The following SNTG2 variants were observed in gnomAD, a reference collection of about 807,000 sequenced individuals.
SNTG2 encodes the protein gamma-2-syntrophin.
SNTG2 carries 74 observed loss-of-function variants against 70.9 expected under a neutral mutation model. The observed-to-expected ratio is 1.04, with a 90% CI of 0.86 to 1.27. The LOEUF (loss-of-function observed/expected upper bound fraction) is 1.27, where lower values mean the gene tolerates loss of function less well. SNTG2 is among the 50% of genes most tolerant of loss of function. The pLI, the probability that SNTG2 is intolerant of heterozygous loss-of-function variation, is 0.00. For missense variants in SNTG2, 717 were observed against 690.7 expected, an observed-to-expected ratio of 1.04 and a Z score of -0.43; for synonymous variants, 278 against 273.8, an observed-to-expected ratio of 1.02 and a Z score of -0.15.
At chr2:1,157,125 C>T (rs1200200173) in intron 6 of SNTG2, among the ~76,000 whole-genome samples, 1 of 152,212 alleles carries the variant, frequency 6.6e-6, no homozygotes, top group African/African-American at 2.4e-5. Flanking sequence ...CAAAACTCGG[C>T]TTCTTCCTGA....
intron 16 of SNTG2, among the ~76,000 whole-genome samples, chr2:1,362,133 CT>C (rs1482082432): frequency 1.3e-5 from 2 of 152,076 alleles, no homozygotes; most frequent in Admixed American, 1.3e-4. Context: ...TTCAGTAGAA[CT>C]TCCACGAAGG....
At chr2:1,305,610 G>T (rs1261108951) in intron 14 of SNTG2, among the ~76,000 whole-genome samples, 1 of 152,192 alleles carries the variant, frequency 6.6e-6, no homozygotes, top group Non-Finnish European at 1.5e-5. Context: ...TGTGGGAGTT[G>T]TATGTACAGC....
intron 1 of SNTG2, among the ~76,000 whole-genome samples, chr2:1,080,668 A>C (rs938283389): frequency 6.6e-6 from 1 of 151,610 alleles, no homozygotes; most frequent in Non-Finnish European, 1.5e-5. Context: ...GTGTGCATGC[A>C]TCCCTGTATG....
intron 4 of SNTG2, among the ~76,000 whole-genome samples, chr2:1,126,402 T>C (rs1015381558): frequency 1.3e-5 from 2 of 152,250 alleles, no homozygotes; most frequent in African/African-American, 4.8e-5. Flanking sequence ...GACACTTAGC[T>C]TTGTTCCGTA....
intron 11 of SNTG2, 34 bp downstream of exon 11, chr2:1,239,810 A>G (rs375098711): frequency 2.0e-4 from 328 of 1,606,252 alleles, no homozygotes; most frequent in Non-Finnish European, 2.6e-4. Context: ...ATGATGTAAC[A>G]CATCAGGTAG....
intron 16 of SNTG2, among the ~76,000 whole-genome samples, chr2:1,341,988 G>T (rs1660122701): frequency 6.6e-6 from 1 of 152,062 alleles, no homozygotes; most frequent in Non-Finnish European, 1.5e-5. Context: ...TGGGATTACA[G>T]CTGTGCACCA....
At chr2:1,207,747 C>G (rs1673734824) in intron 8 of SNTG2, among the ~76,000 whole-genome samples, 1 of 152,148 alleles carries the variant, frequency 6.6e-6, no homozygotes, top group African/African-American at 2.4e-5. Flanking sequence ...GGAACCGCCC[C>G]CCGTCTCCTC....
At chr2:1,238,690 C>T (rs1187113177) in intron 10 of SNTG2, among the ~76,000 whole-genome samples, 1 of 152,218 alleles carries the variant, frequency 6.6e-6, no homozygotes, top group African/African-American at 2.4e-5. Context: ...CAGGACTGGC[C>T]GTGCCTGGAG....
At chr2:1,185,931 T>C (rs28880705) in intron 8 of SNTG2, among the ~76,000 whole-genome samples, 51,493 of 152,142 alleles carry the variant, frequency 0.34, 9,187 homozygotes, top group East Asian at 0.66. Flanking sequence ...ACCACATGGA[T>C]AGGCTGCAAA....
chr2:1,117,996 T>G (rs1170677822), intron 4 of SNTG2, among the ~76,000 whole-genome samples: 2 of 152,104 alleles, frequency 1.3e-5, no homozygotes, highest in African/African-American at 4.8e-5. Context: ...GACAGTGCTA[T>G]GTCCAGCCCC....
At chr2:1,105,367 T>A (rs1346214071) in intron 4 of SNTG2, among the ~76,000 whole-genome samples, 1 of 152,170 alleles carries the variant, frequency 6.6e-6, no homozygotes, top group East Asian at 1.9e-4. Context: ...CATATGATGT[T>A]CTGCATGAGG....
intron 8 of SNTG2, among the ~76,000 whole-genome samples, chr2:1,181,408 G>T (rs532535678): frequency 6.6e-6 from 1 of 152,226 alleles, no homozygotes; most frequent in South Asian, 2.1e-4. Context: ...TTGCTTTGTT[G>T]GCTGCATTTT....
chr2:1,177,381 C>T (rs1024719824), intron 8 of SNTG2, among the ~76,000 whole-genome samples: 1 of 151,826 alleles, frequency 6.6e-6, no homozygotes, highest in African/African-American at 2.4e-5. Context: ...GGATGCTGGG[C>T]TTAATACCTA....
intron 1 of SNTG2, among the ~76,000 whole-genome samples, chr2:1,020,218 A>G (rs1032209042): frequency 6.6e-6 from 1 of 152,362 alleles, no homozygotes; most frequent in African/African-American, 2.4e-5. Flanking sequence ...CAGCCTTCAT[A>G]GACGTGGGGT....
chr2:1,143,493 T>TA (rs1668885737), intron 6 of SNTG2, among the ~76,000 whole-genome samples: 1 of 151,898 alleles, frequency 6.6e-6, no homozygotes, highest in African/African-American at 2.4e-5. Context: ...ATTCTAGCTG[T>TA]AACAGTTTGA....
chr2:1,191,343 T>C (rs1298245697), intron 8 of SNTG2, among the ~76,000 whole-genome samples: 2 of 152,198 alleles, frequency 1.3e-5, no homozygotes, highest in East Asian at 3.8e-4. Context: ...ACATTTGTAT[T>C]ATTTTTCTTA....
At chr2:1,071,514 G>A (rs13033683) in intron 1 of SNTG2, among the ~76,000 whole-genome samples, 1 of 82,160 alleles carries the variant, frequency 1.2e-5, no homozygotes, top group Non-Finnish European at 2.6e-5. Flanking sequence ...GGTGGGGGGA[G>A]GGGGGAGGGA....
chr2:1,259,570 C>T (rs954209164), intron 13 of SNTG2, 129 bp downstream of exon 13: 12 of 744,022 alleles, frequency 1.6e-5, no homozygotes, highest in Non-Finnish European at 2.7e-5. Flanking sequence ...AATAATGTGA[C>T]GATCTGGACC....
intron 1 of SNTG2, among the ~76,000 whole-genome samples, chr2:1,059,590 G>A (rs68084624): frequency 0.17 from 25,178 of 151,878 alleles, 2,191 homozygotes; most frequent in South Asian, 0.21. Flanking sequence ...ATCTAAATAC[G>A]TTTTTTTATT....
Sources: gnomAD v4.1 joint callset for allele counts (sites outside exome capture counted in the v4.1 genomes callset) on GRCh38, gnomAD v4.1.1 for gene constraint, MANE v1.5 for transcripts, NCBI Gene and HGNC (gene_info 2026-07-23, HGNC 2026-07-21) for gene names.